The following GRIK4 variants were observed in gnomAD, a reference collection of about 807,000 sequenced individuals.
GRIK4 encodes glutamate ionotropic receptor kainate type subunit 4.
A neutral mutation model predicts 104.9 loss-of-function variants in GRIK4; 40 were observed. The observed-to-expected ratio is 0.38, with a 90% CI of 0.30 to 0.50. GRIK4 has a LOEUF of 0.50. GRIK4 is among the 20% of genes least tolerant of loss of function. The pLI, the probability that GRIK4 is intolerant of heterozygous loss-of-function variation, is 0.93. For missense variants in GRIK4, 1,047 were observed against 1,308.1 expected, an observed-to-expected ratio of 0.80 and a Z score of 3.08; for synonymous variants, 485 against 524.9, an observed-to-expected ratio of 0.92 and a Z score of 1.04.
intron 11 of GRIK4, among the ~76,000 whole-genome samples, chr11:120,878,341 C>T (rs976550918): frequency 9.9e-5 from 15 of 152,118 alleles, no homozygotes; most frequent in African/African-American, 1.4e-4. Flanking sequence ...TAACCAGCTC[C>T]GAGATAGATG....
At chr11:120,690,415 A>G (rs1424982465) in intron 3 of GRIK4, among the ~76,000 whole-genome samples, 1 of 152,220 alleles carries the variant, frequency 6.6e-6, no homozygotes, top group Non-Finnish European at 1.5e-5. Flanking sequence ...CAAAGCACAC[A>G]TGGGGCTGAA....
intron 1 of GRIK4, among the ~76,000 whole-genome samples, chr11:120,647,370 C>G (rs1250118198): frequency 6.6e-6 from 1 of 152,184 alleles, no homozygotes; most frequent in African/African-American, 2.4e-5. Flanking sequence ...CCCCTTGGTC[C>G]CATGGATTTT....
At chr11:120,933,546 A>G (rs923894433) in intron 13 of GRIK4, among the ~76,000 whole-genome samples, 4 of 152,224 alleles carry the variant, frequency 2.6e-5, no homozygotes, top group Non-Finnish European at 5.9e-5. Flanking sequence ...CCAAGGTCAT[A>G]CAACAGGTAA....
intron 1 of GRIK4, among the ~76,000 whole-genome samples, chr11:120,546,652 G>C (rs969519084): frequency 6.6e-6 from 1 of 152,138 alleles, no homozygotes; most frequent in Non-Finnish European, 1.5e-5. Context: ...GGAGTCTAGG[G>C]AACGTGCAGT....
intron 1 of GRIK4, among the ~76,000 whole-genome samples, chr11:120,519,352 A>G (rs2136072203): frequency 6.6e-6 from 1 of 152,286 alleles, no homozygotes; most frequent in African/African-American, 2.4e-5. Flanking sequence ...TTGGGAGGTG[A>G]TTAAGTCATG....
intron 5 of GRIK4, among the ~76,000 whole-genome samples, chr11:120,817,977 C>T (rs1248908679): frequency 3.3e-5 from 5 of 152,226 alleles, no homozygotes; most frequent in Non-Finnish European, 7.3e-5. Context: ...CTAAGAAGCA[C>T]CTGTGGTTAT....
intron 3 of GRIK4, among the ~76,000 whole-genome samples, chr11:120,701,951 C>CT (rs34068640): frequency 0.035 from 3,177 of 91,976 alleles, 86 homozygotes; most frequent in Admixed American, 0.076. Context: ...TGATTCCAAG[C>CT]TTTTTTTTTT....
chr11:120,541,350 G>T (rs1948033643), intron 1 of GRIK4, among the ~76,000 whole-genome samples: 1 of 152,224 alleles, frequency 6.6e-6, no homozygotes, highest in Non-Finnish European at 1.5e-5. Context: ...GTTTCGCCCA[G>T]AAGATTAGGT....
At chr11:120,740,272 A>G (rs1951304063) in intron 3 of GRIK4, among the ~76,000 whole-genome samples, 1 of 152,206 alleles carries the variant, frequency 6.6e-6, no homozygotes, top group African/African-American at 2.4e-5. Flanking sequence ...GCTGCTGGGA[A>G]AGTCATATGC....
intron 11 of GRIK4, among the ~76,000 whole-genome samples, chr11:120,898,146 A>C (rs1942636014): frequency 6.6e-6 from 1 of 152,198 alleles, no homozygotes; most frequent in African/African-American, 2.4e-5. Context: ...TTATTTTGAT[A>C]ATCAGAAATG....
intron 1 of GRIK4, among the ~76,000 whole-genome samples, chr11:120,612,708 G>C (rs1949052519): frequency 6.6e-6 from 1 of 152,226 alleles, no homozygotes; most frequent in Non-Finnish European, 1.5e-5. Context: ...TATTAGACTT[G>C]ACACTAGAAG....
rs981095661 is a variant in GRIK4, at chr11:120,621,084, G to A, written c.-158-32601G>A. ...GGTTCAGTGCTGAGAACAAAGACTC[G>A]TGTACCCTGGTCACAGCTTGTCACA... On this transcript the variant is annotated intron_variant, in intron 1 of 20. Transcript: ENST00000527524. Among the ~76,000 whole-genome samples, 11 of 152,158 alleles carry A rather than the reference G, an allele frequency of 7.2e-5. No homozygotes were observed. In the South Asian group the frequency reaches 8.3e-4, roughly 11 times the overall value.
intron 3 of GRIK4, among the ~76,000 whole-genome samples, chr11:120,764,871 C>T (rs533889038): frequency 6.6e-6 from 1 of 152,176 alleles, no homozygotes; most frequent in Non-Finnish European, 1.5e-5. Flanking sequence ...CGACCTTTCT[C>T]TCTGGCTGCC....
At chr11:120,700,292 G>C (rs1482395770) in intron 3 of GRIK4, among the ~76,000 whole-genome samples, 10 of 140,466 alleles carry the variant, frequency 7.1e-5, no homozygotes, top group Admixed American at 2.9e-4. Flanking sequence ...TTTTGAGATG[G>C]AGTCTCGCCC....
chr11:120,852,347 C>T (rs1953993453), intron 8 of GRIK4, among the ~76,000 whole-genome samples: 1 of 152,178 alleles, frequency 6.6e-6, no homozygotes, highest in Admixed American at 6.5e-5. Flanking sequence ...TGCAGGTGAA[C>T]ATGAATTAAT....
intron 11 of GRIK4, among the ~76,000 whole-genome samples, chr11:120,888,399 T>G (rs1276082589): frequency 2.0e-5 from 3 of 152,086 alleles, no homozygotes; most frequent in African/African-American, 7.2e-5. Context: ...GTATTTCCCT[T>G]GTGATGTGGT....
At chr11:120,947,178 C>T (rs951802285) in intron 14 of GRIK4, among the ~76,000 whole-genome samples, 3 of 152,158 alleles carry the variant, frequency 2.0e-5, no homozygotes, top group Admixed American at 6.6e-5. Flanking sequence ...CCGAGGCAGG[C>T]GGATTATGAG....
At chr11:120,788,499 G>A (rs1952333187) in intron 3 of GRIK4, among the ~76,000 whole-genome samples, 1 of 152,156 alleles carries the variant, frequency 6.6e-6, no homozygotes. Flanking sequence ...GTTCAGGGAG[G>A]CTGGTAAGTG....
At chr11:120,578,571 C>CA (rs1202838858) in intron 1 of GRIK4, among the ~76,000 whole-genome samples, 2 of 152,230 alleles carry the variant, frequency 1.3e-5, no homozygotes, top group African/African-American at 4.8e-5. Context: ...TCCACCTTCC[C>CA]TCCCTTCCAT....
Sources: gnomAD v4.1 joint callset for allele counts (sites outside exome capture counted in the v4.1 genomes callset) on GRCh38, gnomAD v4.1.1 for gene constraint, MANE v1.5 for transcripts, NCBI Gene and HGNC (gene_info 2026-07-23, HGNC 2026-07-21) for gene names.